The following ZNF385D variants were observed in gnomAD, a reference collection of about 807,000 sequenced individuals.
ZNF385D encodes the protein zinc finger protein 659.
In ZNF385D, 15 loss-of-function variants were observed where a neutral mutation model predicts 35.8. The observed-to-expected ratio is 0.42, with a 90% CI of 0.28 to 0.64. The LOEUF is 0.64. ZNF385D is among the 30% of genes least tolerant of loss of function. The pLI, the probability that ZNF385D is intolerant of heterozygous loss-of-function variation, is 0.23. For missense variants in ZNF385D, 474 were observed against 494.6 expected, an observed-to-expected ratio of 0.96 and a Z score of 0.39; for synonymous variants, 212 against 186.8, an observed-to-expected ratio of 1.13 and a Z score of -1.10.
At chr3:21,971,248 A>T (rs1703236034) in intron 3 of ZNF385D, among the ~76,000 whole-genome samples, 1 of 152,100 alleles carries the variant, frequency 6.6e-6, no homozygotes. Context: ...ACCTAGCAAA[A>T]ATAATAACTA....
At chr3:21,827,014 TC>T (rs1398460837) in intron 3 of ZNF385D, among the ~76,000 whole-genome samples, 1 of 152,130 alleles carries the variant, frequency 6.6e-6, no homozygotes, top group African/African-American at 2.4e-5. Flanking sequence ...CCTCTGCTTC[TC>T]TATAGGTTGT....
chr3:22,163,103 G>C (rs979172603), intron 3 of ZNF385D, among the ~76,000 whole-genome samples: 8 of 152,142 alleles, frequency 5.3e-5, no homozygotes, highest in African/African-American at 1.9e-4. Context: ...CCTCAGCATT[G>C]ACTAGCCATT....
chr3:21,950,949 C>A (rs1343648493), intron 3 of ZNF385D, among the ~76,000 whole-genome samples: 1 of 151,622 alleles, frequency 6.6e-6, no homozygotes, highest in Non-Finnish European at 1.5e-5. Context: ...GTTACTGTAG[C>A]CTTGTAGTAT....
At chr3:22,063,707 G>C (rs2125546802) in intron 3 of ZNF385D, among the ~76,000 whole-genome samples, 1 of 152,270 alleles carries the variant, frequency 6.6e-6, no homozygotes, top group East Asian at 1.9e-4. Context: ...TCCTCTCCAA[G>C]AATTATACTT....
At chr3:21,737,863 G>T (rs2069321296) in intron 1 of ZNF385D, among the ~76,000 whole-genome samples, 1 of 152,168 alleles carries the variant, frequency 6.6e-6, no homozygotes, top group Non-Finnish European at 1.5e-5. Context: ...GAAGAGTATG[G>T]TTCTTCTATC....
chr3:21,590,563 TAC>T (rs1186456151), intron 2 of ZNF385D, among the ~76,000 whole-genome samples: 2 of 152,164 alleles, frequency 1.3e-5, no homozygotes, highest in Non-Finnish European at 2.9e-5. Flanking sequence ...AAAAATGAAT[TAC>T]ATTGTTTTTA....
At chr3:22,326,692 T>C (rs1187056569) in intron 2 of ZNF385D, among the ~76,000 whole-genome samples, 2 of 152,156 alleles carry the variant, frequency 1.3e-5, no homozygotes, top group Non-Finnish European at 2.9e-5. Context: ...AAAGTGAACA[T>C]TTCTGTTTTA....
At chr3:21,679,104 G>A (rs888554164) in intron 1 of ZNF385D, among the ~76,000 whole-genome samples, 3 of 150,650 alleles carry the variant, frequency 2.0e-5, no homozygotes, top group African/African-American at 4.9e-5. Context: ...TTTGTCATCA[G>A]AAACCTGCAT....
intron 3 of ZNF385D, among the ~76,000 whole-genome samples, chr3:21,825,518 C>A (rs193069044): frequency 1.5e-5 from 2 of 133,378 alleles, no homozygotes; most frequent in Admixed American, 1.4e-4. Flanking sequence ...TTCCGGGGTT[C>A]TTTCAGTGGC....
intron 2 of ZNF385D, among the ~76,000 whole-genome samples, chr3:22,175,546 C>T (rs191418735): frequency 4.1e-4 from 63 of 152,032 alleles, no homozygotes; most frequent in Non-Finnish European, 8.4e-4. Context: ...AGTTAAATTG[C>T]TTCAGAAAAT....
chr3:22,127,634 C>T (rs188000622), intron 3 of ZNF385D, among the ~76,000 whole-genome samples: 2 of 152,158 alleles, frequency 1.3e-5, no homozygotes, highest in Admixed American at 6.5e-5. Context: ...GCCACCGTGC[C>T]TGGCCCTAAA....
At chr3:21,760,947 G>C (rs757093282) in intron 3 of ZNF385D, among the ~76,000 whole-genome samples, 2 of 152,242 alleles carry the variant, frequency 1.3e-5, no homozygotes, top group East Asian at 1.9e-4. Flanking sequence ...GTAAACAGTA[G>C]AACATTATGA....
intron 3 of ZNF385D, among the ~76,000 whole-genome samples, chr3:21,808,113 G>C (rs540061075): frequency 1.3e-5 from 2 of 152,036 alleles, no homozygotes; most frequent in East Asian, 3.9e-4. Flanking sequence ...CATGGTTGGA[G>C]GAAAAGTCAT....
chr3:22,123,962 CTATATATA>C lies in ZNF385D; in HGVS notation c.325+44847_325+44854del, dbSNP rs71044974. Among the ~76,000 whole-genome samples the C allele has an allele frequency of 4.3e-3, 268 of 61,818 alleles. 1 individual carries two copies. The highest frequency in any genetic ancestry group is 0.025 in the East Asian group (50 of 2,026). The allele number at this position is 61,818 out of a possible 152,430, so 40.6% of individuals were successfully genotyped here. A position where few individuals can be genotyped will look rare whatever the true frequency, so the allele number is the denominator to read the frequency against. ...TCTCTCTCTCTCTCTCTCTCTCTCT[CTATATATA>C]TATATATATATATATATATTGCTGA... On this transcript the variant is annotated intron_variant, in intron 3 of 5. Coordinates refer to the ZNF385D transcript ENST00000494108.
intron 3 of ZNF385D, among the ~76,000 whole-genome samples, chr3:21,862,549 G>A (rs1291537461): frequency 6.6e-6 from 1 of 152,096 alleles, no homozygotes; most frequent in Non-Finnish European, 1.5e-5. Context: ...TTGCCAACTT[G>A]TGGCACATTT....
intron 3 of ZNF385D, among the ~76,000 whole-genome samples, chr3:21,931,585 A>G (rs1350251535): frequency 6.6e-6 from 1 of 152,186 alleles, no homozygotes; most frequent in Non-Finnish European, 1.5e-5. Flanking sequence ...ATGTCTCAGC[A>G]ATAAACAAGA....
intron 2 of ZNF385D, among the ~76,000 whole-genome samples, chr3:22,182,419 T>G (rs11921254): frequency 0.028 from 4,189 of 152,212 alleles, 191 homozygotes; most frequent in African/African-American, 0.095. Context: ...ATGAAGAACT[T>G]GATCACCTGA....
At chr3:21,594,822 G>C (rs910521834) in intron 2 of ZNF385D, among the ~76,000 whole-genome samples, 3 of 152,014 alleles carry the variant, frequency 2.0e-5, no homozygotes, top group Non-Finnish European at 4.4e-5. Context: ...CATGACCTGG[G>C]ATATAACTTC....
intron 2 of ZNF385D, among the ~76,000 whole-genome samples, chr3:22,270,133 T>A (rs1014000438): frequency 6.6e-6 from 1 of 151,946 alleles, no homozygotes; most frequent in Non-Finnish European, 1.5e-5. Context: ...ATTTAATTCT[T>A]ATTTCCTGCC....
Sources: gnomAD v4.1 joint callset for allele counts (sites outside exome capture counted in the v4.1 genomes callset) on GRCh38, gnomAD v4.1.1 for gene constraint, MANE v1.5 for transcripts, NCBI Gene and HGNC (gene_info 2026-07-23, HGNC 2026-07-21) for gene names.